AGAP1: variants seen among roughly 807,000 people sequenced by gnomAD.
AGAP1 encodes ArfGAP with GTPase domain, ankyrin repeat and PH domain 1.
A neutral mutation model predicts 105.3 loss-of-function variants in AGAP1; 29 were observed. That is an observed-to-expected ratio of 0.28 (90% CI 0.21 to 0.38). The LOEUF is 0.38. AGAP1 is among the 10% of genes least tolerant of loss of function. The pLI, the probability that AGAP1 is intolerant of heterozygous loss-of-function variation, is 1.00. For synonymous variants in AGAP1, 509 were observed against 485.9 expected (o/e 1.05, Z -0.63); for missense variants, 998 against 1,165.1 (o/e 0.86, Z 2.09).
chr2:235,573,052 TTC>T (rs148165737), intron 1 of AGAP1, among the ~76,000 whole-genome samples: 719 of 12,748 alleles, frequency 0.056, 28 homozygotes, highest in African/African-American at 0.15. Context: ...CTTCTTCTTC[TTC>T]TTCTTCTTTC....
chr2:236,103,922 G>T (rs2059422287), intron 16 of AGAP1, among the ~76,000 whole-genome samples: 1 of 152,208 alleles, frequency 6.6e-6, no homozygotes, highest in Non-Finnish European at 1.5e-5. Flanking sequence ...TCCCCACCCT[G>T]CCCTGTGCGT....
Position 235,692,063 on chromosome 2 carries a change from C to T in AGAP1, c.164-17116C>T, listed in dbSNP as rs1466873032. On this transcript the variant is annotated intron_variant, in intron 1 of 17. Transcript: ENST00000304032. The surrounding 1 kb of genome is among the most constrained non-coding windows in gnomAD (Gnocchi z 5.8). ...TAAAGTTTTCTCAAGAGGATGTAAACCAAGTAAACAAAATAAATTCAGACC... is the reference window on the plus strand; with the variant it reads ...TAAAGTTTTCTCAAGAGGATGTAAATCAAGTAAACAAAATAAATTCAGACC... Among the ~76,000 whole-genome samples, 2 of 152,128 alleles carry T rather than the reference C, an allele frequency of 1.3e-5. No homozygotes were observed. The highest frequency in any genetic ancestry group is 2.4e-5 in the African/African-American group (1 of 41,428).
At chr2:236,115,557 A>G (rs1179424912) in intron 16 of AGAP1, among the ~76,000 whole-genome samples, 13 of 152,184 alleles carry the variant, frequency 8.5e-5, no homozygotes, top group Admixed American at 8.5e-4. Context: ...CATCCACAGG[A>G]GGTGGCCTTC....
In AGAP1 at chr2:236,121,577, G is replaced by A. The variant is rs868217986; in HGVS notation, c.2370+1130G>A. On this transcript the variant is annotated intron_variant, in intron 17 of 17. Coordinates refer to ENST00000304032, the MANE Select transcript of AGAP1 (RefSeq NM_001037131.3). This position sits in a 1 kb window ranked among gnomAD's most constrained non-coding sequence, Gnocchi z 4.9. ...GCCTCCCAAAGTGCTGGGAGTACAG[G>A]CATGACCCACCACGCCCAGCCTTGA... Among the ~76,000 whole-genome samples the A allele has an allele frequency of 1.3e-5, 2 of 152,178 alleles. No individual in the cohort carries two copies. Among genetic ancestry groups the A allele is most frequent in the Non-Finnish European group, 2.9e-5 (2 of 68,026 alleles).
intron 1 of AGAP1, among the ~76,000 whole-genome samples, chr2:235,523,956 G>A (rs369967104): frequency 6.6e-5 from 10 of 150,710 alleles, no homozygotes; most frequent in African/African-American, 9.7e-5. Context: ...GGATGAGGCC[G>A]GGGGCGGTGG....
At chr2:235,528,670 G>C (rs1942936647) in intron 1 of AGAP1, among the ~76,000 whole-genome samples, 2 of 152,062 alleles carry the variant, frequency 1.3e-5, no homozygotes, top group South Asian at 4.1e-4. Context: ...TTTGTATGTG[G>C]GGTTAATTTT....
intron 1 of AGAP1, among the ~76,000 whole-genome samples, chr2:235,674,528 G>A (rs1397376385): frequency 6.6e-6 from 1 of 152,070 alleles, no homozygotes; most frequent in Non-Finnish European, 1.5e-5. Context: ...CTGTCTGGGA[G>A]GATTGATTAC....
At chr2:235,831,418 G>T (rs890365633) in intron 9 of AGAP1, among the ~76,000 whole-genome samples, 1 of 152,154 alleles carries the variant, frequency 6.6e-6, no homozygotes, top group Non-Finnish European at 1.5e-5. Context: ...CACCACTGCG[G>T]TGTATAGGAT....
intron 9 of AGAP1, among the ~76,000 whole-genome samples, chr2:235,838,611 T>C (rs1178599265): frequency 1.3e-5 from 2 of 152,248 alleles, no homozygotes; most frequent in East Asian, 3.8e-4. Flanking sequence ...ATTGATTTAG[T>C]GAGATACAGT....
Position 235,962,034 on chromosome 2 carries a change from C to A in AGAP1, c.1484-6428C>A, listed in dbSNP as rs1249149960. Among the ~76,000 whole-genome samples the A allele has an allele frequency of 6.6e-6, 1 of 150,552 alleles. No individual in the cohort carries two copies. Among genetic ancestry groups the A allele is most frequent in the Non-Finnish European group, 1.5e-5 (1 of 67,786 alleles). On this transcript the variant is annotated intron_variant, in intron 12 of 17. Coordinates refer to ENST00000304032, the MANE Select transcript of AGAP1 (RefSeq NM_001037131.3). This position sits in a 1 kb window ranked among gnomAD's most constrained non-coding sequence, Gnocchi z 5.3. The stretch of plus-strand genomic sequence containing the variant: ...GGAGGGTGTCCTCTTCTGATGGATG[C>A]TTTTGGTTTTTGGTTTTGTTTTGTT...
chr2:235,759,941 T>C (rs1954297001), intron 6 of AGAP1, among the ~76,000 whole-genome samples: 1 of 152,212 alleles, frequency 6.6e-6, no homozygotes, highest in Non-Finnish European at 1.5e-5. Context: ...AAAATACTTT[T>C]GAGTTACTAT....
intron 9 of AGAP1, among the ~76,000 whole-genome samples, chr2:235,847,025 TG>T (rs1180385894): frequency 3.0e-4 from 45 of 152,328 alleles, no homozygotes; most frequent in Middle Eastern, 6.8e-3. Context: ...AGGTTCGACA[TG>T]TTGAGCAAAA....
intron 1 of AGAP1, among the ~76,000 whole-genome samples, chr2:235,533,150 T>C (rs1051924952): frequency 1.3e-5 from 2 of 152,240 alleles, no homozygotes; most frequent in Non-Finnish European, 2.9e-5. Context: ...ACAGCTCTGC[T>C]GTGGATGTTT....
chr2:236,116,684 T>C (rs1011954717), intron 16 of AGAP1, among the ~76,000 whole-genome samples: 5 of 152,106 alleles, frequency 3.3e-5, no homozygotes, highest in Admixed American at 2.6e-4. Flanking sequence ...TGTGAGATCT[T>C]GGTGCACCCA....
intron 1 of AGAP1, among the ~76,000 whole-genome samples, chr2:235,505,039 G>C (rs10178301): frequency 6.6e-6 from 1 of 152,272 alleles, no homozygotes; most frequent in South Asian, 2.1e-4. Flanking sequence ...TCAACTGGGG[G>C]ACTCTTTCTG....
intron 10 of AGAP1, among the ~76,000 whole-genome samples, chr2:235,898,297 CCTT>C (rs2050903398): frequency 6.6e-6 from 1 of 152,120 alleles, no homozygotes. Flanking sequence ...TGTTTTTCCC[CCTT>C]CTTTTTTTCC....
chr2:236,120,347 G>A lies in AGAP1; in HGVS notation c.2270G>A (p.Arg757Gln), dbSNP rs768275934. ...ATCCTGCTGCTGGCACACGGCTCCC[G>A]GGACGAGGTGAACGAGACCTGCGGG... is the stretch of plus-strand genomic sequence containing the variant. ...TAILLLAHGS[R>Q]DEVNETCGEG... is the part of the protein sequence containing the mutation. The change falls in exon 17 of 18, where the codon CGG becomes CAG. Residue 757 changes from arginine to glutamine, a missense_variant. Arg to Gln is a conservative substitution (Grantham distance 43). Coordinates refer to ENST00000304032, the MANE Select transcript of AGAP1 (RefSeq NM_001037131.3). This position sits in a 1 kb window ranked among gnomAD's most constrained non-coding sequence, Gnocchi z 6.0. 8.1e-6 allele frequency: 13 copies of A among 1,612,052 alleles called. No individual in the cohort carries two copies. The highest frequency in any genetic ancestry group is 1.3e-5 in the African/African-American group (1 of 75,004).
At chr2:235,850,106 C>T (rs1962016215) in intron 9 of AGAP1, among the ~76,000 whole-genome samples, 1 of 152,192 alleles carries the variant, frequency 6.6e-6, no homozygotes, top group South Asian at 2.1e-4. Context: ...CTCTGCAGCC[C>T]ACAGCACCTC....
rs1166326198 is a variant in AGAP1 at position 235,555,204 on chromosome 2, G to T, written c.163+60355G>T. On this transcript the variant is annotated intron_variant, in intron 1 of 17. Transcript: ENST00000304032. This position sits in a 1 kb window ranked among gnomAD's most constrained non-coding sequence, Gnocchi z 5.1. ...TCTTTCTTAAAGGAGCCAGAGGCTT[G>T]CCCGCCCTGCAGTGCCATCCTTCTT... 6.6e-6 allele frequency among the ~76,000 whole-genome samples: 1 copy of T among 152,144 alleles called. No individual in the cohort carries two copies. The highest frequency in any genetic ancestry group is 1.5e-5 in the Non-Finnish European group (1 of 68,026).
Sources: allele counts gnomAD v4.1 joint callset (sites outside exome capture counted in the v4.1 genomes callset), GRCh38; gene constraint gnomAD v4.1.1; non-coding constraint Gnocchi (gnomAD v3.1); transcripts MANE v1.5; gene names NCBI Gene and HGNC (gene_info 2026-07-23, HGNC 2026-07-21).